The following CA4 variants were observed in gnomAD, a reference collection of about 807,000 sequenced individuals.
CA4 encodes CA-IV.
CA4 carries 24 observed loss-of-function variants against 34.5 expected under a neutral mutation model. That is an observed-to-expected ratio of 0.70 (90% CI 0.50 to 0.98). The LOEUF (loss-of-function observed/expected upper bound fraction) is 0.98. Ranked by LOEUF, CA4 falls within the 50% of genes least tolerant of loss-of-function variation. The pLI, the probability that CA4 is intolerant of heterozygous loss-of-function variation, is 0.00. For missense variants in CA4, 394 were observed against 396.7 expected, an observed-to-expected ratio of 0.99 and a Z score of 0.06; for synonymous variants, 178 against 170.6, an observed-to-expected ratio of 1.04 and a Z score of -0.34.
intron 7 of CA4, chr17:60,158,949 G>A (rs990503733): frequency 1.6e-5 from 8 of 511,458 alleles, no homozygotes; most frequent in African/African-American, 9.6e-5. Flanking sequence ...AAGTTTGAGA[G>A]CCACAGTCCT....
At position 60,159,240 on chromosome 17, in the gene CA4, T is replaced by G; in HGVS notation, c.755T>G (p.Phe252Cys). 1 of 1,602,406 alleles carries G rather than the reference T, an allele frequency of 6.2e-7. No homozygotes were observed. Among genetic ancestry groups the G allele is most frequent in the South Asian group, 1.1e-5 (1 of 89,214 alleles). ...CCATCACTTCCGCAGATCCTGGCAT[T>G]CTCTCAGAAGCTGTACTACGACAAG... ...IQLHREQILAFSQKLYYDKEQ... is the reference protein window; with the variant it reads ...IQLHREQILACSQKLYYDKEQ... The change falls in exon 8 of 8, where the codon TTC becomes TGC. Residue 252 changes from phenylalanine to cysteine, a missense_variant. Transcript: ENST00000300900.
rs957590210 is a variant in CA4, at chr17:60,155,384, C to A, written c.112+17C>A. On this transcript the variant is annotated intron_variant, in intron 2 of 7. Transcript: ENST00000300900. ...CCTGCTTGGGTGAGTACAGCCAGTC[C>A]AGGGGACTGCTCTTTGTGCATGGTG... 1.9e-6 allele frequency: 3 copies of A among 1,596,680 alleles called. No homozygotes were observed. Among genetic ancestry groups the A allele is most frequent in the Non-Finnish European group, 1.7e-6 (2 of 1,170,824 alleles).
Position 60,150,431 on chromosome 17 carries a change from G to A in CA4, c.58+339G>A, listed in dbSNP as rs1597983200. 2.0e-5 allele frequency among the ~76,000 whole-genome samples: 3 copies of A among 152,196 alleles called. No homozygotes were observed. The South Asian group carries it at 6.2e-4, about 32-fold the overall frequency. On this transcript the variant is annotated intron_variant, in intron 1 of 7. Coordinates refer to ENST00000300900, the MANE Select transcript of CA4 (RefSeq NM_000717.5). Reference sequence around the variant, plus strand: ...CTCCAGCCTGAAATGCCAGCACGTTGGGAGGCAGAGGCGGGTGGATCACCT... The same window carrying A: ...CTCCAGCCTGAAATGCCAGCACGTTAGGAGGCAGAGGCGGGTGGATCACCT...
downstream of CA4, among the ~76,000 whole-genome samples, chr17:60,175,668 C>CAAAAAAAA (rs150949660): frequency 6.6e-3 from 537 of 81,488 alleles, 8 homozygotes; most frequent in African/African-American, 0.02. Context: ...AACTCCGTCT[C>CAAAAAAAA]AAAAAAAAAA....
intron 5 of CA4, among the ~76,000 whole-genome samples, chr17:60,169,194 T>A (rs960580862): frequency 1.2e-4 from 18 of 148,314 alleles, no homozygotes; most frequent in African/African-American, 4.6e-4. Context: ...TTGCAGTGAG[T>A]TGAGATCATG....
At chr17:60,176,781 C>T in the CA4 span, among the ~76,000 whole-genome samples, 219 of 152,224 alleles carry the variant, frequency 1.4e-3, 2 homozygotes, top group African/African-American at 5.1e-3. Flanking sequence ...AATTTTTCCA[C>T]GGACTGGGGG....
At chr17:60,175,819 ATTTT>A (rs759618128), downstream of CA4, among the ~76,000 whole-genome samples, 2 of 138,346 alleles carry the variant, frequency 1.4e-5, no homozygotes, top group African/African-American at 2.7e-5. Context: ...CATTTTATAC[ATTTT>A]TTTTTTTTTT....
Position 60,157,382 on chromosome 17 carries a change from C to G in CA4, c.269-45C>G, listed in dbSNP as rs2083706712. ...AGCTGGGATGAAGAGCTAGAGGAGGCTGAGGGAGGCTGGTTCGAGGACTCT... is the reference window on the plus strand; with the variant it reads ...AGCTGGGATGAAGAGCTAGAGGAGGGTGAGGGAGGCTGGTTCGAGGACTCT... On this transcript the variant is annotated intron_variant, in intron 3 of 7. Transcript: ENST00000300900. 1.1e-5 allele frequency: 17 copies of G among 1,599,242 alleles called. No homozygotes were observed. The East Asian group carries it at 3.6e-4, about 34-fold the overall frequency.
downstream of CA4, among the ~76,000 whole-genome samples, chr17:60,164,206 CT>C (rs548919954): frequency 1.7e-4 from 19 of 109,108 alleles, no homozygotes; most frequent in African/African-American, 3.7e-4. Flanking sequence ...TTCTTTCTTT[CT>C]TTTTTTCTTT....
intron 1 of CA4, among the ~76,000 whole-genome samples, chr17:60,150,750 T>C (rs2083577595): frequency 6.8e-6 from 1 of 146,812 alleles, no homozygotes; most frequent in African/African-American, 2.5e-5. Flanking sequence ...CTCCTCCGTC[T>C]GCCCGTGGGT....
chr17:60,178,225 T>C, the CA4 span, among the ~76,000 whole-genome samples: 1 of 152,254 alleles, frequency 6.6e-6, no homozygotes, highest in Non-Finnish European at 1.5e-5. Context: ...TTTATAGCCC[T>C]TAGAGCCATC....
chr17:60,150,052 G>A lies in CA4; in HGVS notation c.18G>A (p.Ala6=). 1 of 1,601,822 alleles carries A rather than the reference G, an allele frequency of 6.2e-7. No homozygotes were observed. The change falls in exon 1 of 8, where the codon GCG becomes GCA. Residue 6 remains alanine (A), a synonymous_variant. Transcript: ENST00000300900. MRMLL[A]LLALSAARPS... ...CCCGCAAGATGCGGATGCTGCTGGC[G>A]CTCCTGGCCCTCTCCGCGGCGCGGC...
chr17:60,178,473 G>A, the CA4 span, among the ~76,000 whole-genome samples: 1 of 152,174 alleles, frequency 6.6e-6, no homozygotes, highest in Non-Finnish European at 1.5e-5. Context: ...GATACTTGAA[G>A]TATCCTAAAT....
rs1404944572 is a variant in CA4 at position 60,157,433 on chromosome 17, T to A, written c.275T>A (p.Met92Lys). ...TVQNNGHSVM[M>K]LLENKASISG... is the part of the protein sequence containing the mutation. ...GCCCCTTCTGTGCTCCCAGTGATGA[T>A]GTTGCTGGAGAACAAGGCCAGCATT... Residue 92 changes from methionine to lysine, a missense_variant, in exon 4 of 8, where the codon ATG (methionine) becomes AAG (lysine). Coordinates refer to ENST00000300900, the MANE Select transcript of CA4 (RefSeq NM_000717.5). 1.2e-6 allele frequency: 2 copies of A among 1,614,170 alleles called. No individual in the cohort carries two copies. Among genetic ancestry groups the A allele is most frequent in the South Asian group, 2.2e-5 (2 of 91,080 alleles).
chr17:60,169,261 A>AAAG (rs1276142119), intron 5 of CA4, among the ~76,000 whole-genome samples: 3 of 149,532 alleles, frequency 2.0e-5, no homozygotes, highest in Non-Finnish European at 2.9e-5. Context: ...AAAAAAAAAA[A>AAAG]AAGCAGCAGC....
downstream of CA4, among the ~76,000 whole-genome samples, chr17:60,172,499 AAGAG>A (rs1288580539): frequency 1.3e-5 from 2 of 152,202 alleles, no homozygotes; most frequent in South Asian, 4.1e-4. Context: ...GAATATGAAA[AAGAG>A]AGAAATTACA....
At chr17:60,166,578 G>T (rs751460424) in intron 5 of CA4, among the ~76,000 whole-genome samples, 23 of 152,222 alleles carry the variant, frequency 1.5e-4, no homozygotes, top group Non-Finnish European at 3.4e-4. Flanking sequence ...TTAATCCTTA[G>T]AATAACAGTC....
intron 5 of CA4, among the ~76,000 whole-genome samples, chr17:60,170,321 T>A (rs1214647493): frequency 6.6e-6 from 1 of 152,236 alleles, no homozygotes. Flanking sequence ...GAGATTCTCA[T>A]GGCTGCTGTG....
rs549798034 is a variant in CA4 at position 60,157,845 on chromosome 17, G to T, written c.513+57G>T. Reference sequence around the variant, plus strand: ...CCCGGGGCTGAGAGCTTCTTCTTAGGATTCAGAGACCTGGGACTCCAGCGA... The same window carrying T: ...CCCGGGGCTGAGAGCTTCTTCTTAGTATTCAGAGACCTGGGACTCCAGCGA... On this transcript the variant is annotated intron_variant, in intron 5 of 7. Transcript: ENST00000300900. 48 of 1,553,198 alleles carry T rather than the reference G, an allele frequency of 3.1e-5. No homozygotes were observed. In the African/African-American group the frequency reaches 5.6e-4, roughly 18 times the overall value.
Sources: allele counts gnomAD v4.1 joint callset (sites outside exome capture counted in the v4.1 genomes callset), GRCh38; gene constraint gnomAD v4.1.1; transcripts MANE v1.5; gene names NCBI Gene and HGNC (gene_info 2026-07-23, HGNC 2026-07-21).